The following KIF6 variants were observed in gnomAD, a reference collection of about 807,000 sequenced individuals.
The protein encoded by KIF6 is kinesin-like protein KIF6.
KIF6 carries 106 observed loss-of-function variants against 112.7 expected under a neutral mutation model. The ratio of observed to expected loss-of-function variants is 0.94; its 90% confidence interval spans 0.80 to 1.11. The LOEUF (loss-of-function observed/expected upper bound fraction) is 1.11. Among genes scored for constraint, KIF6 ranks in the 50% least tolerant of loss-of-function variants. The pLI is 0.00. For missense variants in KIF6, 929 were observed against 964.0 expected, an observed-to-expected ratio of 0.96 and a Z score of 0.48; for synonymous variants, 339 against 339.9, an observed-to-expected ratio of 1.00 and a Z score of 0.03.
At chr6:39,449,546 C>G (rs1772550560) in intron 13 of KIF6, among the ~76,000 whole-genome samples, 1 of 152,202 alleles carries the variant, frequency 6.6e-6, no homozygotes, top group African/African-American at 2.4e-5. Context: ...CCCAACCCAC[C>G]ACAATGATTT....
At chr6:39,372,056 C>T (rs1336510105) in intron 16 of KIF6, among the ~76,000 whole-genome samples, 1 of 152,198 alleles carries the variant, frequency 6.6e-6, no homozygotes, top group Non-Finnish European at 1.5e-5. Flanking sequence ...ATTTCCCTCT[C>T]CTCCTCACAG....
intron 10 of KIF6, among the ~76,000 whole-genome samples, chr6:39,576,563 G>A (rs1780985532): frequency 6.6e-6 from 1 of 152,164 alleles, no homozygotes; most frequent in African/African-American, 2.4e-5. Context: ...ACTGAAAGGG[G>A]GACGTGAGAG....
intron 13 of KIF6, among the ~76,000 whole-genome samples, chr6:39,456,864 C>A (rs1466079214): frequency 6.6e-6 from 1 of 150,438 alleles, no homozygotes; most frequent in Non-Finnish European, 1.5e-5. Flanking sequence ...CACCCAGATT[C>A]ATAAAGCAAG....
At chr6:39,563,943 C>T (rs1362246974) in intron 10 of KIF6, among the ~76,000 whole-genome samples, 1 of 152,156 alleles carries the variant, frequency 6.6e-6, no homozygotes, top group East Asian at 1.9e-4. Flanking sequence ...CCAGTTGTTT[C>T]TTGATGGTTA....
intron 3 of KIF6, among the ~76,000 whole-genome samples, chr6:39,646,581 A>G (rs923682028): frequency 3.9e-5 from 6 of 152,222 alleles, no homozygotes; most frequent in African/African-American, 1.4e-4. Flanking sequence ...GTTTAGCTTT[A>G]GAAAAATTAA....
chr6:39,598,929 A>C (rs1210363973), intron 6 of KIF6, among the ~76,000 whole-genome samples: 1 of 152,238 alleles, frequency 6.6e-6, no homozygotes, highest in Non-Finnish European at 1.5e-5. Flanking sequence ...ATGAAGCTAT[A>C]ACTTAGGTCA....
At chr6:39,644,868 A>G (rs1785088947) in intron 3 of KIF6, among the ~76,000 whole-genome samples, 1 of 152,262 alleles carries the variant, frequency 6.6e-6, no homozygotes, top group Non-Finnish European at 1.5e-5. Context: ...AGAAGAGTCT[A>G]TACTCACTTG....
intron 3 of KIF6, among the ~76,000 whole-genome samples, chr6:39,707,063 T>C (rs1296479471): frequency 1.3e-5 from 2 of 152,228 alleles, no homozygotes; most frequent in Non-Finnish European, 2.9e-5. Flanking sequence ...ATAACTGTAG[T>C]ACATTTTCAA....
intron 13 of KIF6, among the ~76,000 whole-genome samples, chr6:39,518,601 A>AAT (rs766286455): frequency 2.0e-5 from 3 of 152,194 alleles, no homozygotes; most frequent in Non-Finnish European, 4.4e-5. Context: ...TGTGATCACA[A>AAT]ATATATATTT....
At chr6:39,463,713 A>C (rs1453373432) in intron 13 of KIF6, among the ~76,000 whole-genome samples, 1 of 152,200 alleles carries the variant, frequency 6.6e-6, no homozygotes, top group African/African-American at 2.4e-5. Flanking sequence ...TTTTCATATC[A>C]ACACATCTCT....
chr6:39,408,770 ACATTTTG>A (rs540500279), intron 15 of KIF6, among the ~76,000 whole-genome samples: 4 of 152,324 alleles, frequency 2.6e-5, no homozygotes, highest in African/African-American at 9.6e-5. Flanking sequence ...TGGGCTGCTT[ACATTTTG>A]CTATGTATAT....
At chr6:39,460,536 T>TAAAAAAAAAAAAAAAAAAAAAAAAA (rs759528125) in intron 13 of KIF6, among the ~76,000 whole-genome samples, 10 of 57,078 alleles carry the variant, frequency 1.8e-4, no homozygotes, top group East Asian at 5.7e-4. Flanking sequence ...AAAAAAAAAG[T>TAAAAAAAAAAAAAAAAAAAAAAAAA]AAAAAAAAAA....
Position 39,342,594 on chromosome 6 carries a change from G to GTTTTTTTTTTTTTTTTT in KIF6, c.2428+1114_2428+1115insAAAAAAAAAAAAAAAAA, listed in dbSNP as rs1443982685. ...GGGGACTTGGAGATCACTGAATCCA[G>GTTTTTTTTTTTTTTTTT]TTTTTTATTTTTTTTTATTTTTTTT... On this transcript the variant is annotated intron_variant, in intron 22 of 22. Transcript: ENST00000287152. The surrounding 1 kb of genome is among the most constrained non-coding windows in gnomAD (Gnocchi z 4.7). Among the ~76,000 whole-genome samples, 1 of 124,310 alleles carries GTTTTTTTTTTTTTTTTT rather than the reference G, an allele frequency of 8.0e-6. No individual in the cohort carries two copies. 81.6% of individuals were successfully genotyped at this position (124,310 alleles called of 152,430 possible). A position where few individuals can be genotyped will look rare whatever the true frequency, so the allele number is the denominator to read the frequency against.
intron 10 of KIF6, among the ~76,000 whole-genome samples, chr6:39,569,675 T>C (rs1780537945): frequency 6.6e-6 from 1 of 152,230 alleles, no homozygotes; most frequent in Non-Finnish European, 1.5e-5. Flanking sequence ...TTGTTGTCAC[T>C]TCCTATATAA....
chr6:39,576,305 G>A (rs1359416855), intron 10 of KIF6, among the ~76,000 whole-genome samples: 1 of 151,988 alleles, frequency 6.6e-6, no homozygotes, highest in Non-Finnish European at 1.5e-5. Flanking sequence ...TGTATTTTTA[G>A]TAGAGACGAG....
intron 3 of KIF6, among the ~76,000 whole-genome samples, chr6:39,681,809 A>T (rs1175282401): frequency 6.6e-6 from 1 of 152,238 alleles, no homozygotes; most frequent in Non-Finnish European, 1.5e-5. Flanking sequence ...CAAAGCCAAT[A>T]GCATGCCCCG....
chr6:39,408,769 T>C (rs1053168137), intron 15 of KIF6, among the ~76,000 whole-genome samples: 1 of 152,164 alleles, frequency 6.6e-6, no homozygotes, highest in Non-Finnish European at 1.5e-5. Context: ...GTGGGCTGCT[T>C]ACATTTTGCT....
chr6:39,338,490 G>T (rs1583819584), intron 22 of KIF6, among the ~76,000 whole-genome samples: 1 of 152,164 alleles, frequency 6.6e-6, no homozygotes, highest in Admixed American at 6.5e-5. Context: ...AAGACATTCT[G>T]ATCTGTCTGA....
chr6:39,617,118 T>C (rs932798795), intron 5 of KIF6, among the ~76,000 whole-genome samples: 2 of 152,170 alleles, frequency 1.3e-5, no homozygotes, highest in Non-Finnish European at 2.9e-5. Context: ...CCCTACAAAA[T>C]GTTTCTAAAA....
Sources: gnomAD v4.1 joint callset for allele counts (sites outside exome capture counted in the v4.1 genomes callset) on GRCh38, gnomAD v4.1.1 for gene constraint, Gnocchi (gnomAD v3.1) non-coding constraint, MANE v1.5 for transcripts, NCBI Gene and HGNC (gene_info 2026-07-23, HGNC 2026-07-21) for gene names.